The following PPP4R2 variants were observed in gnomAD, a reference collection of about 807,000 sequenced individuals.
The protein encoded by PPP4R2 is protein phosphatase 4 regulatory subunit 2.
A neutral mutation model predicts 47.2 loss-of-function variants in PPP4R2; 13 were observed. The observed-to-expected ratio is 0.28, with a 90% CI of 0.18 to 0.44. The LOEUF (loss-of-function observed/expected upper bound fraction) is 0.44. Ranked by LOEUF, PPP4R2 falls within the 20% of genes least tolerant of loss-of-function variation. PPP4R2 has a pLI of 1.00. For missense variants in PPP4R2, 421 were observed against 491.2 expected, an observed-to-expected ratio of 0.86 and a Z score of 1.35; for synonymous variants, 151 against 163.3, an observed-to-expected ratio of 0.92 and a Z score of 0.57.
intron 2 of PPP4R2, among the ~76,000 whole-genome samples, chr3:73,005,624 G>A (rs978838474): frequency 4.0e-5 from 6 of 151,862 alleles, no homozygotes; most frequent in Admixed American, 6.6e-5. Flanking sequence ...TGAGGCCGGC[G>A]GATCACCTGA....
intron 2 of PPP4R2, among the ~76,000 whole-genome samples, chr3:73,003,295 T>C (rs1701521616): frequency 6.6e-6 from 1 of 151,382 alleles, no homozygotes; most frequent in Non-Finnish European, 1.5e-5. Context: ...CACCGCAACC[T>C]CTGCCTCTTG....
intron 3 of PPP4R2, among the ~76,000 whole-genome samples, chr3:73,057,941 C>CT (rs2107331683): frequency 6.6e-6 from 1 of 152,106 alleles, no homozygotes; most frequent in South Asian, 2.1e-4. Context: ...CTTTGTAATT[C>CT]TTTTCATTAA....
In PPP4R2 at chr3:72,997,087, C is replaced by A. The variant is rs1343032101; in HGVS notation, c.34+16C>A. 4 of 1,380,406 alleles carry A rather than the reference C, an allele frequency of 2.9e-6. No individual in the cohort carries two copies. The highest frequency in any genetic ancestry group is 3.8e-6 in the Non-Finnish European group (4 of 1,050,346). The allele number at this position is 1,380,406 out of a possible 1,614,324, so 85.5% of individuals were successfully genotyped here. ...GCGCTGAAAGGTGGGGGTAGCTGCC[C>A]CCTCTCCATTCCCCCTCACCTTCTC... On this transcript the variant is annotated intron_variant, in intron 1 of 8. Transcript: ENST00000356692.
In PPP4R2 at chr3:73,028,272, A is replaced by AAAAG. The variant is rs1248946214; in HGVS notation, c.117-18912_117-18909dup. On this transcript the variant is annotated intron_variant, in intron 2 of 8. Transcript: ENST00000356692. Reference sequence around the variant, plus strand: ...ACTCCGTCTCAAAAAAAAAAAAAAAAAAAGACGGGGTCTTACTCAGCCTCC... The same window carrying AAAAG: ...ACTCCGTCTCAAAAAAAAAAAAAAAAAAAGAAAGACGGGGTCTTACTCAGCCTCC... Among the ~76,000 whole-genome samples the AAAAG allele has an allele frequency of 7.3e-5, 11 of 151,542 alleles. No individual in the cohort carries two copies. The South Asian group carries it at 1.7e-3, about 23-fold the overall frequency.
At position 73,066,250 on chromosome 3, in the gene PPP4R2, A is replaced by ATATATATG. The variant is rs900133939; in HGVS notation, c.*535_*536insGTATATAT. 1.4e-5 allele frequency: 2 copies of ATATATATG among 146,692 alleles called. No individual in the cohort carries two copies. The highest frequency in any genetic ancestry group is 4.9e-5 in the African/African-American group (2 of 40,480). The allele number at this position is 146,692 out of a possible 1,614,324, so 9.1% of individuals were successfully genotyped here. ...GTCATATATACATACATATATATAT[A>ATATATATG]TATATATATATAATTCTAAGGGGGG... On this transcript the variant is annotated 3_prime_UTR_variant, in exon 9 of 9. Transcript: ENST00000356692.
rs183261768 is a variant in PPP4R2 at position 73,067,375 on chromosome 3, C to T, written c.*1653C>T. On this transcript the variant is annotated 3_prime_UTR_variant, in exon 9 of 9. Coordinates refer to ENST00000356692, the MANE Select transcript of PPP4R2 (RefSeq NM_174907.4). ...GTTTTGACTACTTAAATCATCATGG[C>T]TATAAATACCAAAACGATTTGGATC... is the stretch of plus-strand genomic sequence containing the variant. 6 of 152,152 alleles carry T rather than the reference C, an allele frequency of 3.9e-5. No individual in the cohort carries two copies. The highest frequency in any genetic ancestry group is 1.4e-4 in the African/African-American group (6 of 41,532). 9.4% of individuals were successfully genotyped at this position (152,152 alleles called of 1,614,324 possible).
chr3:73,002,664 C>T (rs1358532196), intron 2 of PPP4R2, among the ~76,000 whole-genome samples: 2 of 41,872 alleles, frequency 4.8e-5, no homozygotes, highest in African/African-American at 1.9e-4. Context: ...TTTTTTGAGA[C>T]GGAGTCTCGC....
In PPP4R2 at chr3:73,061,076, C is replaced by A. The variant is rs1476657487; in HGVS notation, c.419+16C>A. ...CTTCTTCAGAGTAAGTATATTTTTT[C>A]TATTTCTAGTATATTATTTACTATA... On this transcript the variant is annotated intron_variant, in intron 5 of 8. Coordinates refer to ENST00000356692, the MANE Select transcript of PPP4R2 (RefSeq NM_174907.4). 6.0e-6 allele frequency: 8 copies of A among 1,335,294 alleles called. No individual in the cohort carries two copies. The African/African-American group carries it at 1.0e-4, about 17-fold the overall frequency. The allele number at this position is 1,335,294 out of a possible 1,614,324, so 82.7% of individuals were successfully genotyped here. A position where few individuals can be genotyped will look rare whatever the true frequency, so the allele number is the denominator to read the frequency against.
intron 2 of PPP4R2, among the ~76,000 whole-genome samples, chr3:73,039,303 A>G (rs1169160216): frequency 6.6e-6 from 1 of 152,028 alleles, no homozygotes; most frequent in Non-Finnish European, 1.5e-5. Flanking sequence ...TTGTATTTTT[A>G]GTAGAAATGG....
At chr3:73,039,847 A>G (rs1340500476) in intron 2 of PPP4R2, among the ~76,000 whole-genome samples, 1 of 152,178 alleles carries the variant, frequency 6.6e-6, no homozygotes, top group African/African-American at 2.4e-5. Context: ...AAGTGTCAGG[A>G]GTTTGAGACC....
intron 1 of PPP4R2, 42 bp downstream of exon 1, chr3:72,997,113 C>A: frequency 7.6e-7 from 1 of 1,314,194 alleles, no homozygotes; most frequent in Non-Finnish European, 9.9e-7. Context: ...TCACCTTCTC[C>A]GGCTCGCTCT....
intron 2 of PPP4R2, among the ~76,000 whole-genome samples, chr3:73,019,332 A>G (rs1050208661): frequency 1.3e-5 from 2 of 152,208 alleles, no homozygotes; most frequent in Non-Finnish European, 2.9e-5. Flanking sequence ...CTGTAGATGA[A>G]AAACAGAACA....
At chr3:73,004,989 GTT>G (rs1380737549) in intron 2 of PPP4R2, among the ~76,000 whole-genome samples, 2 of 121,092 alleles carry the variant, frequency 1.7e-5, no homozygotes, top group Non-Finnish European at 3.5e-5. Flanking sequence ...GTGTGTGTGT[GTT>G]TTGAGTCGGA....
intron 2 of PPP4R2, among the ~76,000 whole-genome samples, chr3:73,043,740 G>A (rs1023091081): frequency 6.6e-6 from 1 of 152,140 alleles, no homozygotes; most frequent in African/African-American, 2.4e-5. Flanking sequence ...TCTTTGTGGG[G>A]AAATACCTAT....
At chr3:73,005,833 C>CAA (rs71623999) in intron 2 of PPP4R2, among the ~76,000 whole-genome samples, 3 of 121,782 alleles carry the variant, frequency 2.5e-5, no homozygotes, top group Non-Finnish European at 3.4e-5. Flanking sequence ...ACTCTGTCTG[C>CAA]AAAAAAAAAA....
rs1702997084 is a variant in PPP4R2, at chr3:73,066,340, A to T, written c.*618A>T. 6.6e-6 allele frequency: 1 copy of T among 150,752 alleles called. No homozygotes were observed. Among genetic ancestry groups the T allele is most frequent in the African/African-American group, 2.4e-5 (1 of 41,060 alleles). The allele number at this position is 150,752 out of a possible 1,614,324, so 9.3% of individuals were successfully genotyped here. ...GTGGATACTTTTTCTATTGGTAATG[A>T]TTGAGTTCACCTCTTTCAGAAGACA... On this transcript the variant is annotated 3_prime_UTR_variant, in exon 9 of 9. Transcript: ENST00000356692.
intron 2 of PPP4R2, chr3:73,014,822 C>A (rs780956329): frequency 2.5e-6 from 1 of 404,118 alleles, no homozygotes; most frequent in Non-Finnish European, 4.4e-6. Context: ...TGATAATATT[C>A]TAAATCTAGC....
chr3:72,997,958 CTTA>C, intron 1 of PPP4R2, 116 bp from the exon 2 acceptor site: 1 of 736,774 alleles, frequency 1.4e-6, no homozygotes, highest in Non-Finnish European at 2.3e-6. Context: ...GTTGAGAGGC[CTTA>C]TTTTTTTAAT....
intron 2 of PPP4R2, among the ~76,000 whole-genome samples, chr3:73,023,444 A>G (rs1243891011): frequency 6.6e-6 from 1 of 152,148 alleles, no homozygotes. Context: ...CCTTGGCCTC[A>G]CAAAGTGCTG....
Sources: allele counts gnomAD v4.1 joint callset (sites outside exome capture counted in the v4.1 genomes callset), GRCh38; gene constraint gnomAD v4.1.1; transcripts MANE v1.5; gene names NCBI Gene and HGNC (gene_info 2026-07-23, HGNC 2026-07-21).